The following GALNT2 variants were observed in gnomAD, a reference collection of about 807,000 sequenced individuals.
GALNT2 encodes polypeptide N-acetylgalactosaminyltransferase 2, also known as UDP-GalNAc:polypeptide N-acetylgalactosaminyltransferase 2.
GALNT2 carries 31 observed loss-of-function variants against 81.4 expected under a neutral mutation model. The observed-to-expected ratio is 0.38, with a 90% CI of 0.29 to 0.51. GALNT2 has a LOEUF of 0.51. Ranked by LOEUF, GALNT2 falls within the 20% of genes least tolerant of loss-of-function variation. GALNT2 has a pLI of 0.87. For synonymous variants in GALNT2, 303 were observed against 287.4 expected (o/e 1.05, Z -0.55); for missense variants, 629 against 765.7 (o/e 0.82, Z 2.11).
intron 1 of GALNT2, among the ~76,000 whole-genome samples, chr1:230,118,810 A>G (rs1237284397): frequency 6.6e-6 from 1 of 151,914 alleles, no homozygotes; most frequent in African/African-American, 2.4e-5. Flanking sequence ...TCATCCTACT[A>G]GCCCAATTAA....
At chr1:230,117,287 C>A (rs12083455) in intron 1 of GALNT2, among the ~76,000 whole-genome samples, 1 of 152,076 alleles carries the variant, frequency 6.6e-6, no homozygotes, top group Non-Finnish European at 1.5e-5. Flanking sequence ...CTCATTTGAT[C>A]TTCTATCCAG....
At chr1:230,205,977 A>G (rs979049086) in intron 3 of GALNT2, among the ~76,000 whole-genome samples, 3 of 152,186 alleles carry the variant, frequency 2.0e-5, no homozygotes, top group African/African-American at 7.2e-5. Context: ...TGTAGCTTTT[A>G]AGAAGGGCTT....
At chr1:230,160,202 A>G (rs1199211060) in intron 1 of GALNT2, among the ~76,000 whole-genome samples, 1 of 152,222 alleles carries the variant, frequency 6.6e-6, no homozygotes, top group Non-Finnish European at 1.5e-5. Flanking sequence ...ATTTTCCACT[A>G]GTGCTAATAA....
At chr1:230,082,910 C>T (rs1360314796) in intron 1 of GALNT2, among the ~76,000 whole-genome samples, 1 of 145,458 alleles carries the variant, frequency 6.9e-6, no homozygotes, top group Non-Finnish European at 1.5e-5. Context: ...GGATGATGGA[C>T]AGGGAGCTGG....
upstream of GALNT2, among the ~76,000 whole-genome samples, chr1:230,063,147 C>T (rs1201323478): frequency 2.0e-5 from 3 of 151,970 alleles, no homozygotes; most frequent in African/African-American, 7.3e-5. Context: ...CCTGTCTCTA[C>T]TAGAAATACA....
intron 1 of GALNT2, among the ~76,000 whole-genome samples, chr1:230,109,689 G>A (rs1963152): frequency 0.43 from 65,210 of 152,038 alleles, 14,001 homozygotes; most frequent in South Asian, 0.53. Context: ...TTAGCTGGGC[G>A]TGGTGGCAGG....
chr1:230,079,304 T>G (rs1231391175), intron 1 of GALNT2, among the ~76,000 whole-genome samples: 2 of 152,268 alleles, frequency 1.3e-5, no homozygotes, highest in African/African-American at 4.8e-5. Context: ...CTCTGAGATG[T>G]CTGAAATGCT....
intron 2 of GALNT2, among the ~76,000 whole-genome samples, chr1:230,197,831 T>C (rs1177918404): frequency 1.3e-5 from 2 of 152,092 alleles, no homozygotes; most frequent in Non-Finnish European, 2.9e-5. Flanking sequence ...TGAATCCTTA[T>C]CAGTGACACA....
chr1:230,189,362 C>G (rs1343854127), intron 2 of GALNT2, among the ~76,000 whole-genome samples: 2 of 152,142 alleles, frequency 1.3e-5, no homozygotes, highest in South Asian at 2.1e-4. Context: ...TTACCCCAGA[C>G]AGTGGATTTC....
chr1:230,225,680 T>TG (rs1369740344), intron 3 of GALNT2, among the ~76,000 whole-genome samples: 1 of 146,706 alleles, frequency 6.8e-6, no homozygotes, highest in African/African-American at 2.6e-5. Flanking sequence ...CAGAGTTTTT[T>TG]TGTTTTTTTT....
intron 1 of GALNT2, among the ~76,000 whole-genome samples, chr1:230,155,181 G>A (rs983266064): frequency 3.9e-5 from 6 of 152,126 alleles, no homozygotes; most frequent in Admixed American, 1.3e-4. Context: ...GTGTGAGAGC[G>A]TCACTTTCTC....
intron 1 of GALNT2, among the ~76,000 whole-genome samples, chr1:230,126,652 G>A (rs1402241608): frequency 6.6e-6 from 1 of 152,202 alleles, no homozygotes; most frequent in Non-Finnish European, 1.5e-5. Context: ...TCGGAAAAGT[G>A]TGTGCATGGG....
At chr1:230,090,445 G>C (rs1216058846) in intron 1 of GALNT2, among the ~76,000 whole-genome samples, 2 of 152,136 alleles carry the variant, frequency 1.3e-5, no homozygotes, top group Non-Finnish European at 2.9e-5. Context: ...CCGTGTGAAG[G>C]TGGTGGACCT....
chr1:230,236,421 G>A lies in GALNT2; in HGVS notation c.541+1G>A, dbSNP rs1353053810. 1.9e-6 allele frequency: 3 copies of A among 1,613,720 alleles called. No individual in the cohort carries two copies. Among genetic ancestry groups the A allele is most frequent in the Non-Finnish European group, 2.5e-6 (3 of 1,179,664 alleles). ...TTGGTGGATGACTACAGCAATGATCGTGAGTACTGACACTGATTTTATCCC... is the reference window on the plus strand; with the variant it reads ...TTGGTGGATGACTACAGCAATGATCATGAGTACTGACACTGATTTTATCCC... On this transcript the variant is annotated splice_donor_variant, in intron 5 of 15. Transcript: ENST00000366672. LOFTEE classifies it high-confidence loss of function.
At chr1:230,233,394 C>T (rs1664926901) in intron 3 of GALNT2, among the ~76,000 whole-genome samples, 1 of 152,180 alleles carries the variant, frequency 6.6e-6, no homozygotes, top group South Asian at 2.1e-4. Flanking sequence ...GCAGGCAGAT[C>T]ACGAGGTCAG....
chr1:230,139,883 C>T (rs1253239869), intron 1 of GALNT2, among the ~76,000 whole-genome samples: 2 of 152,216 alleles, frequency 1.3e-5, no homozygotes, highest in East Asian at 3.9e-4. Flanking sequence ...CTTTCAGCTC[C>T]TGGGAACCTT....
At chr1:230,105,777 A>AAAC (rs1244997661) in intron 1 of GALNT2, among the ~76,000 whole-genome samples, 5 of 152,174 alleles carry the variant, frequency 3.3e-5, no homozygotes, top group Non-Finnish European at 7.3e-5. Context: ...GCATGATTAT[A>AAAC]TCCATTATAC....
rs780709157 is a variant in GALNT2, at chr1:230,193,637, A to C, written c.221-9500A>C. Among the ~76,000 whole-genome samples, 6 of 152,066 alleles carry C rather than the reference A, an allele frequency of 3.9e-5. No individual in the cohort carries two copies. Among genetic ancestry groups the C allele is most frequent in the Non-Finnish European group, 7.4e-5 (5 of 68,008 alleles). Reference sequence around the variant, plus strand: ...AGTAAAAACAAAAATTTTAAGAAAGAAGTGGCATTGTTTGGAAAGGTAGCA... The same window carrying C: ...AGTAAAAACAAAAATTTTAAGAAAGCAGTGGCATTGTTTGGAAAGGTAGCA... On this transcript the variant is annotated intron_variant, in intron 2 of 15. Coordinates refer to ENST00000366672, the MANE Select transcript of GALNT2 (RefSeq NM_004481.5). This position sits in a 1 kb window ranked among gnomAD's most constrained non-coding sequence, Gnocchi z 4.3.
chr1:230,198,770 C>G (rs1663791269), intron 2 of GALNT2, among the ~76,000 whole-genome samples: 1 of 152,306 alleles, frequency 6.6e-6, no homozygotes, highest in Middle Eastern at 3.4e-3. Context: ...ACAATTCCTT[C>G]TTTGGTTTCA....
Sources: allele counts gnomAD v4.1 joint callset (sites outside exome capture counted in the v4.1 genomes callset), GRCh38; gene constraint gnomAD v4.1.1; non-coding constraint Gnocchi (gnomAD v3.1); transcripts MANE v1.5; gene names NCBI Gene and HGNC (gene_info 2026-07-23, HGNC 2026-07-21).